COL2A1: variants seen among roughly 807,000 people sequenced by gnomAD.
The protein encoded by COL2A1 is collagen type II alpha 1 chain.
COL2A1 carries 28 observed loss-of-function variants against 204.5 expected under a neutral mutation model. The ratio of observed to expected loss-of-function variants is 0.14; its 90% CI spans 0.10 to 0.19. COL2A1 has a LOEUF of 0.19. Among genes scored for constraint, COL2A1 ranks in the 10% least tolerant of loss-of-function variants. The probability of loss-of-function intolerance (pLI) is 1.00; values close to 1 mark genes in which losing one functional copy is unlikely to be tolerated. For missense variants in COL2A1, 1,388 were observed against 2,027.5 expected, an observed-to-expected ratio of 0.68 and a Z score of 6.06; for synonymous variants, 708 against 718.7, an observed-to-expected ratio of 0.99 and a Z score of 0.24.
At position 47,974,714 on chromosome 12, in the gene COL2A1, T is replaced by C. The variant is rs1938607512; in HGVS notation, c.4035A>G (p.Lys1345=). 6.2e-7 allele frequency: 1 copy of C among 1,614,078 alleles called. No homozygotes were observed. Among genetic ancestry groups the C allele is most frequent in the Admixed American group, 1.7e-5 (1 of 60,008 alleles). Residue 1345 remains lysine, a synonymous_variant, in exon 52 of 54, where the codon AAA becomes AAG. Transcript: ENST00000380518. Reference sequence around the variant, plus strand: ...TGATGGTTTCTCCAAACCAGATGTGTTTCTTCTCCTTGCTCTTGCTGCTCC... The same window carrying C: ...TGATGGTTTCTCCAAACCAGATGTGCTTCTTCTCCTTGCTCTTGCTGCTCC... ...NWWSSKSKEK[K]HIWFGETING...
intron 2 of COL2A1, chr12:47,999,634 ATTTTTT>A: frequency 1.4e-4 from 22 of 152,610 alleles, no homozygotes; most frequent in Non-Finnish European, 2.6e-4. Flanking sequence ...TTCAGAGAGG[ATTTTTT>A]TTTTTTTTTT....
At chr12:47,990,611 C>T (rs1411714888) in intron 16 of COL2A1, among the ~76,000 whole-genome samples, 1 of 152,204 alleles carries the variant, frequency 6.6e-6, no homozygotes, top group East Asian at 1.9e-4. Context: ...AACAAAGATG[C>T]CCATAGGATG....
chr12:47,981,313 A>T (rs777724157), intron 37 of COL2A1, 30 bp downstream of exon 37: 5 of 1,609,432 alleles, frequency 3.1e-6, no homozygotes, highest in Non-Finnish European at 4.2e-6. Flanking sequence ...GGCCTCGGGC[A>T]GAGCCAGGCT....
intron 15 of COL2A1, among the ~76,000 whole-genome samples, 177 bp downstream of exon 15, chr12:47,993,281 A>C (rs1167300922): frequency 6.6e-6 from 1 of 152,220 alleles, no homozygotes; most frequent in Non-Finnish European, 1.5e-5. Context: ...TGGGTATCTT[A>C]AGGAAATGTT....
At chr12:47,994,668 C>A (rs1939866897) in intron 11 of COL2A1, among the ~76,000 whole-genome samples, 191 bp from the exon 12 acceptor site, 1 of 152,234 alleles carries the variant, frequency 6.6e-6, no homozygotes, top group Non-Finnish European at 1.5e-5. Context: ...TGGACACATG[C>A]ATAGCCCATG....
chr12:47,985,152 A>C, intron 26 of COL2A1, 59 bp from the exon 27 acceptor site: 1 of 1,378,876 alleles, frequency 7.3e-7, no homozygotes. Context: ...CATCCACCCA[A>C]CATCCACTAA....
Position 47,978,429 on chromosome 12 carries a change from G to A in COL2A1, c.2896-31C>T. 6.2e-7 allele frequency: 1 copy of A among 1,606,016 alleles called. No individual in the cohort carries two copies. The highest frequency in any genetic ancestry group is 1.1e-5 in the South Asian group (1 of 90,334). ...AGAGGAGAGGCAGGAGATGAGAACTGACAGTGGCCCAGCCTCTTCTGTCCT... is the reference window on the plus strand; with the variant it reads ...AGAGGAGAGGCAGGAGATGAGAACTAACAGTGGCCCAGCCTCTTCTGTCCT... On this transcript the variant is annotated intron_variant, in intron 42 of 53. Transcript: ENST00000380518. The surrounding 1 kb of genome is among the most constrained non-coding windows in gnomAD (Gnocchi z 5.5).
At chr12:47,984,649 T>A (rs184031664) in intron 27 of COL2A1, 50 bp from the exon 28 acceptor site, 1 of 1,578,142 alleles carries the variant, frequency 6.3e-7, no homozygotes, top group Non-Finnish European at 8.7e-7. Flanking sequence ...TGGGAGGGAG[T>A]TGGGGGCAGA....
In COL2A1 at chr12:47,976,634, G is replaced by A; in HGVS notation, c.3436-67C>T. On this transcript the variant is annotated intron_variant, in intron 48 of 53. Coordinates refer to ENST00000380518, the MANE Select transcript of COL2A1 (RefSeq NM_001844.5). This position sits in a 1 kb window ranked among gnomAD's most constrained non-coding sequence, Gnocchi z 4.3. ...CATATCTATCTATATTCTGGGAGCT[G>A]GGGGAACAGCTTTATGTCCCAGCCC... 1.3e-6 allele frequency: 2 copies of A among 1,542,430 alleles called. No individual in the cohort carries two copies. Among genetic ancestry groups the A allele is most frequent in the Non-Finnish European group, 1.8e-6 (2 of 1,116,328 alleles).
chr12:47,989,857 C>A (rs1230336150), intron 16 of COL2A1, 52 bp from the exon 17 acceptor site: 1 of 1,556,966 alleles, frequency 6.4e-7, no homozygotes, highest in Non-Finnish European at 8.8e-7. Flanking sequence ...CCCTGTCCGT[C>A]CCTGCTCCCA....
At chr12:47,986,547 C>CCGG in intron 22 of COL2A1, 104 bp from the exon 23 acceptor site, 1 of 667,184 alleles carries the variant, frequency 1.5e-6, no homozygotes. Context: ...TGTTTCAGGG[C>CCGG]TGGGGGGGGG....
In COL2A1 at chr12:47,975,377, G is replaced by T. The variant is rs369672046; in HGVS notation, c.3826C>A (p.Arg1276Ser). 1.9e-6 allele frequency: 3 copies of T among 1,614,054 alleles called. No individual in the cohort carries two copies. Among genetic ancestry groups the T allele is most frequent in the African/African-American group, 1.3e-5 (1 of 74,920 alleles). The change falls in exon 51 of 54, where the codon CGC becomes AGC. Residue 1276 changes from arginine to serine, a missense_variant. Arg to Ser is a moderately radical substitution (Grantham distance 110). This residue lies in a region of COL2A1 where 303 missense variants were observed against 369.2 expected (regional missense o/e 0.82). Coordinates refer to ENST00000380518, the MANE Select transcript of COL2A1 (RefSeq NM_001844.5). ...CTGCAGGTGCGAGCAGGGTTCTTGC[G>T]GGAGCCCTCGGGGCTGCGGATGCTC... Reference protein sequence around the residue: ...IESIRSPEGSRKNPARTCRDL... With the variant: ...IESIRSPEGSSKNPARTCRDL...
At chr12:48,000,167 A>T in intron 1 of COL2A1, 42 bp from the exon 2 acceptor site, 6 of 1,338,496 alleles carry the variant, frequency 4.5e-6, no homozygotes, top group Non-Finnish European at 5.3e-6. Context: ...AGCCAAGGGA[A>T]GGAGGGGGTG....
Position 47,974,675 on chromosome 12 carries a change from A to C in COL2A1, c.4074T>G (p.His1358Gln), listed in dbSNP as rs780376290. ...WFGETINGGF[H>Q]FSYGDDNLAP... Reference sequence around the variant, plus strand: ...TCATCTAGGGCACCCAGGTACTCACATGGAAGCCACCATTGATGGTTTCTC... The same window carrying C: ...TCATCTAGGGCACCCAGGTACTCACCTGGAAGCCACCATTGATGGTTTCTC... Residue 1358 changes from histidine to glutamine, a missense_variant and splice_region_variant, in exon 52 of 54, where the codon CAT becomes CAG. By Grantham distance (24) the His-to-Gln change is conservative. Transcript: ENST00000380518. 3 of 1,614,024 alleles carry C rather than the reference A, an allele frequency of 1.9e-6. No homozygotes were observed. The highest frequency in any genetic ancestry group is 3.3e-5 in the Admixed American group (2 of 60,012).
chr12:47,980,942 G>A lies in COL2A1; in HGVS notation c.2490C>T (p.Pro830=), dbSNP rs772029902. 5.3e-5 allele frequency: 83 copies of A among 1,552,098 alleles called. No homozygotes were observed. Among genetic ancestry groups the A allele is most frequent in the African/African-American group, 6.8e-5 (5 of 73,008 alleles). The stretch of plus-strand genomic sequence containing the variant: ...GAGGCCCAGCAAATCCCGCTGGTCC[G>A]GGGGGCCCAGTCTCTCCACGTTCAC... ...APGERGETGP[P]GPAGFAGPPG... Residue 830 remains proline, a synonymous_variant, in exon 38 of 54, where the codon CCC becomes CCT. Transcript: ENST00000380518. This position sits in a 1 kb window ranked among gnomAD's most constrained non-coding sequence, Gnocchi z 4.5.
At chr12:47,979,655 T>C (rs560048662) in intron 40 of COL2A1, 91 bp from the exon 41 acceptor site, 377 of 810,154 alleles carry the variant, frequency 4.7e-4, no homozygotes, top group Middle Eastern at 1.7e-3. Flanking sequence ...TCTCAGAGCC[T>C]GGTATGGAAA....
intron 1 of COL2A1, chr12:48,002,991 G>C (rs1216829495): frequency 6.6e-6 from 1 of 152,202 alleles, no homozygotes; most frequent in African/African-American, 2.4e-5. Flanking sequence ...CGAAGGCAGA[G>C]AACTTTTATT....
chr12:47,998,144 C>T lies in COL2A1; in HGVS notation c.342+25G>A, dbSNP rs530505717. The T allele has an allele frequency of 4.6e-5, 75 of 1,614,198 alleles. No homozygotes were observed. In the Middle Eastern group the frequency reaches 1.2e-3, roughly 25 times the overall value. On this transcript the variant is annotated intron_variant, in intron 4 of 53. Transcript: ENST00000380518. ...CCCATTTAGAGCAGCAGCTGCAATACCGGGTGAGAATAATTTGCACTTACA... is the reference window on the plus strand; with the variant it reads ...CCCATTTAGAGCAGCAGCTGCAATATCGGGTGAGAATAATTTGCACTTACA...
chr12:47,983,943 C>G, intron 29 of COL2A1, 144 bp downstream of exon 29: 2 of 955,256 alleles, frequency 2.1e-6, no homozygotes, highest in Non-Finnish European at 3.3e-6. Flanking sequence ...CCTGGGACAC[C>G]CTGCCTCAGC....
Sources: allele counts gnomAD v4.1 joint callset (sites outside exome capture counted in the v4.1 genomes callset), GRCh38; gene constraint gnomAD v4.1.1; regional missense constraint gnomAD v4.1.1; non-coding constraint Gnocchi (gnomAD v3.1); transcripts MANE v1.5; gene names NCBI Gene and HGNC (gene_info 2026-07-23, HGNC 2026-07-21).